The following TMEM131L variants were observed in gnomAD, a reference collection of about 807,000 sequenced individuals.
TMEM131L encodes the protein transmembrane 131 like.
TMEM131L carries 54 observed loss-of-function variants against 192.2 expected under a neutral mutation model. The observed-to-expected ratio is 0.28, with a 90% CI of 0.23 to 0.35. The LOEUF (loss-of-function observed/expected upper bound fraction) is 0.35. Among genes scored for constraint, TMEM131L ranks in the 10% least tolerant of loss-of-function variants. TMEM131L has a pLI of 1.00. For synonymous variants in TMEM131L, 701 were observed against 704.9 expected (o/e 0.99, Z 0.09); for missense variants, 1,888 against 1,972.9 (o/e 0.96, Z 0.82).
intron 3 of TMEM131L, among the ~76,000 whole-genome samples, chr4:153,541,783 T>C (rs1385117104): frequency 6.6e-6 from 1 of 152,150 alleles, no homozygotes; most frequent in African/African-American, 2.4e-5. Flanking sequence ...AAAAGAGGGA[T>C]TAGCAGCTAG....
intron 2 of TMEM131L, among the ~76,000 whole-genome samples, chr4:153,469,331 A>ACACACACC (rs1730991124): frequency 1.3e-5 from 2 of 152,070 alleles, no homozygotes; most frequent in South Asian, 4.2e-4. Context: ...ACACACACAC[A>ACACACACC]CACACACACG....
At chr4:153,534,726 C>A (rs1194670004) in intron 3 of TMEM131L, among the ~76,000 whole-genome samples, 1 of 152,182 alleles carries the variant, frequency 6.6e-6, no homozygotes, top group African/African-American at 2.4e-5. Flanking sequence ...AGCCACGGCG[C>A]CTGGCCAGGA....
chr4:153,605,793 T>C (rs1344951741), intron 25 of TMEM131L, among the ~76,000 whole-genome samples: 1 of 152,238 alleles, frequency 6.6e-6, no homozygotes, highest in Non-Finnish European at 1.5e-5. Context: ...ATTGACTACT[T>C]CTGATGAGCT....
At chr4:153,601,128 T>C (rs1731812090) in intron 21 of TMEM131L, among the ~76,000 whole-genome samples, 1 of 151,376 alleles carries the variant, frequency 6.6e-6, no homozygotes, top group Non-Finnish European at 1.5e-5. Flanking sequence ...AAAAAAGATT[T>C]GTTAGTAATT....
At chr4:153,623,170 T>C in intron 29 of TMEM131L, 87 bp downstream of exon 29, 1 of 1,259,430 alleles carries the variant, frequency 7.9e-7, no homozygotes, top group South Asian at 1.5e-5. Context: ...TCGATCTGCC[T>C]TCAGGAGTGC....
chr4:153,488,118 A>T (rs1043452385), intron 3 of TMEM131L, among the ~76,000 whole-genome samples: 3 of 146,434 alleles, frequency 2.0e-5, no homozygotes, highest in Non-Finnish European at 3.0e-5. Flanking sequence ...TGTGTGTGTG[A>T]GAGAGAGACC....
chr4:153,626,603 G>A (rs1190979382), intron 30 of TMEM131L, among the ~76,000 whole-genome samples: 3 of 152,126 alleles, frequency 2.0e-5, no homozygotes, highest in Non-Finnish European at 2.9e-5. Flanking sequence ...AAAGAATTTC[G>A]TTTTTTCTTT....
chr4:153,541,688 T>C (rs568594262), intron 3 of TMEM131L, among the ~76,000 whole-genome samples: 1 of 152,316 alleles, frequency 6.6e-6, no homozygotes, highest in African/African-American at 2.4e-5. Flanking sequence ...AACCAAACTT[T>C]GGCTGATTTG....
chr4:153,581,620 A>T (rs993488802), intron 9 of TMEM131L, 60 bp downstream of exon 9: 1 of 1,184,824 alleles, frequency 8.4e-7, no homozygotes, highest in African/African-American at 1.6e-5. Flanking sequence ...ATCATTCTAT[A>T]GCATTTATGA....
At position 153,610,988 on chromosome 4, in the gene TMEM131L, G is replaced by C. The variant is rs200309839; in HGVS notation, c.3419-1264G>C. ...TCGTTTCAAATTAGAAAACAGGCCAGTTATTGTGGGGTTGAAGTTCATTTG... is the reference window on the plus strand; with the variant it reads ...TCGTTTCAAATTAGAAAACAGGCCACTTATTGTGGGGTTGAAGTTCATTTG... On this transcript the variant is annotated intron_variant, in intron 25 of 34. Coordinates refer to ENST00000409959, the MANE Select transcript of TMEM131L (RefSeq NM_001131007.2). Among the ~76,000 whole-genome samples, 5 of 152,348 alleles carry C rather than the reference G, an allele frequency of 3.3e-5. No homozygotes were observed. In the East Asian group the frequency reaches 9.6e-4, roughly 29 times the overall value.
At chr4:153,495,355 C>G (rs1733098851) in intron 3 of TMEM131L, among the ~76,000 whole-genome samples, 1 of 151,892 alleles carries the variant, frequency 6.6e-6, no homozygotes, top group Non-Finnish European at 1.5e-5. Flanking sequence ...TTAATTTTGC[C>G]AAGGTTAAGG....
intron 7 of TMEM131L, among the ~76,000 whole-genome samples, chr4:153,563,456 CTTTTTTTTT>C (rs1177255196): frequency 2.0e-4 from 18 of 88,208 alleles, no homozygotes; most frequent in African/African-American, 6.5e-4. Flanking sequence ...GATATGTACC[CTTTTTTTTT>C]TTTTTTTTTT....
intron 3 of TMEM131L, among the ~76,000 whole-genome samples, chr4:153,530,987 T>C (rs1351696935): frequency 6.6e-6 from 1 of 152,218 alleles, no homozygotes; most frequent in Non-Finnish European, 1.5e-5. Context: ...TTAAAATAGC[T>C]AGCTCATTTC....
At position 153,477,754 on chromosome 4, in the gene TMEM131L, A is replaced by G. The variant is rs79451569; in HGVS notation, c.239+3866A>G. 9.8e-3 allele frequency among the ~76,000 whole-genome samples: 1,490 copies of G among 152,074 alleles called. 23 individuals are homozygous for G. Among genetic ancestry groups the G allele is most frequent in the African/African-American group, 0.034 (1,397 of 41,500 alleles). ...ACTCTTGTTGCCTGCAATGTATTCT[A>G]TTTTCTATTGCATTTTCTTTTATCA... On this transcript the variant is annotated intron_variant, in intron 3 of 34. Transcript: ENST00000409959.
At position 153,482,909 on chromosome 4, in the gene TMEM131L, T is replaced by C. The variant is rs1469281326; in HGVS notation, c.239+9021T>C. Among the ~76,000 whole-genome samples, 3 of 152,292 alleles carry C rather than the reference T, an allele frequency of 2.0e-5. No homozygotes were observed. In the East Asian group the frequency reaches 5.8e-4, roughly 29 times the overall value. ...TCCAGTCCCTAAAAACACTTTTGGT[T>C]CCTCCTAGATAACATGTTTTTACAA... On this transcript the variant is annotated intron_variant, in intron 3 of 34. Coordinates refer to ENST00000409959, the MANE Select transcript of TMEM131L (RefSeq NM_001131007.2).
intron 26 of TMEM131L, among the ~76,000 whole-genome samples, chr4:153,619,254 T>C (rs1442155454): frequency 6.6e-6 from 1 of 152,180 alleles, no homozygotes; most frequent in East Asian, 1.9e-4. Flanking sequence ...AAGTACTTGC[T>C]GTGTCGACAA....
intron 3 of TMEM131L, among the ~76,000 whole-genome samples, chr4:153,474,993 C>T (rs1261237283): frequency 6.6e-6 from 1 of 152,116 alleles, no homozygotes; most frequent in Non-Finnish European, 1.5e-5. Context: ...CTTCCAGACC[C>T]CCAGGGTGTA....
chr4:153,621,457 T>C (rs6535931), intron 27 of TMEM131L, among the ~76,000 whole-genome samples: 92,713 of 152,014 alleles, frequency 0.61, 28,549 homozygotes, highest in African/African-American at 0.63. Flanking sequence ...TGGCACTCTG[T>C]CTTGGAAACC....
At chr4:153,562,677 T>C (rs886639467) in intron 7 of TMEM131L, among the ~76,000 whole-genome samples, 2 of 152,230 alleles carry the variant, frequency 1.3e-5, no homozygotes, top group South Asian at 2.1e-4. Context: ...AAAGGCATAA[T>C]TGCCTCTTCT....
Sources: gnomAD v4.1 joint callset for allele counts (sites outside exome capture counted in the v4.1 genomes callset) on GRCh38, gnomAD v4.1.1 for gene constraint, MANE v1.5 for transcripts, NCBI Gene and HGNC (gene_info 2026-07-23, HGNC 2026-07-21) for gene names.